NKAIN2: variants seen among roughly 807,000 people sequenced by gnomAD.
The protein encoded by NKAIN2 is sodium/potassium-transporting ATPase subunit beta-1-interacting protein 2.
Under a neutral mutation model 32.6 loss-of-function variants are expected in NKAIN2, and 14 were observed. That is an observed-to-expected ratio of 0.43 (90% confidence interval 0.28 to 0.67). NKAIN2 has a LOEUF of 0.67. NKAIN2 is among the 30% of genes least tolerant of loss of function. NKAIN2 has a pLI of 0.17. For missense variants in NKAIN2, 198 were observed against 258.3 expected (o/e 0.77, Z 1.60); for synonymous variants, 80 against 87.2 (o/e 0.92, Z 0.46).
chr6:123,837,356 C>A (rs993797383), intron 1 of NKAIN2, among the ~76,000 whole-genome samples: 6 of 151,998 alleles, frequency 3.9e-5, no homozygotes, highest in African/African-American at 1.2e-4. Flanking sequence ...CTCTATCATA[C>A]CCCATTTGAG....
At chr6:124,008,679 G>C (rs1780187473) in intron 1 of NKAIN2, among the ~76,000 whole-genome samples, 1 of 152,078 alleles carries the variant, frequency 6.6e-6, no homozygotes, top group Non-Finnish European at 1.5e-5. Context: ...GCTTCTAAAG[G>C]AAATGTTCAA....
At chr6:124,616,613 C>T (rs1425360324) in intron 3 of NKAIN2, among the ~76,000 whole-genome samples, 2 of 150,348 alleles carry the variant, frequency 1.3e-5, no homozygotes, top group South Asian at 2.1e-4. Context: ...TACAGCCGCC[C>T]GCCACCACGC....
At chr6:124,009,068 G>A (rs1341123867) in intron 1 of NKAIN2, among the ~76,000 whole-genome samples, 1 of 152,128 alleles carries the variant, frequency 6.6e-6, no homozygotes, top group African/African-American at 2.4e-5. Context: ...TCTATTTGAT[G>A]TATAAATTAA....
intron 1 of NKAIN2, among the ~76,000 whole-genome samples, chr6:124,247,972 T>C (rs1562449006): frequency 6.6e-6 from 1 of 152,082 alleles, no homozygotes; most frequent in African/African-American, 2.4e-5. Context: ...AATCAATGCA[T>C]AGAACACTTA....
intron 3 of NKAIN2, chr6:124,390,836 G>A (rs185097064): frequency 2.0e-5 from 3 of 152,164 alleles, no homozygotes; most frequent in African/African-American, 7.2e-5. Flanking sequence ...AGTAAGGAAG[G>A]GACAAGGCTG....
intron 4 of NKAIN2, among the ~76,000 whole-genome samples, chr6:124,715,883 G>A (rs1394871279): frequency 6.6e-6 from 1 of 152,174 alleles, no homozygotes; most frequent in Non-Finnish European, 1.5e-5. Flanking sequence ...AAGGAAATGT[G>A]GTTGATAGAG....
intron 2 of NKAIN2, among the ~76,000 whole-genome samples, chr6:124,292,798 T>G (rs1795879433): frequency 6.6e-6 from 1 of 152,200 alleles, no homozygotes; most frequent in Admixed American, 6.6e-5. Flanking sequence ...TGTGTCAGTT[T>G]AATGTTGGCA....
intron 1 of NKAIN2, among the ~76,000 whole-genome samples, chr6:123,816,224 G>A (rs1773688716): frequency 6.6e-6 from 1 of 152,126 alleles, no homozygotes; most frequent in African/African-American, 2.4e-5. Context: ...GGAATGGAAG[G>A]GATAGGAGTC....
At chr6:123,946,914 G>C (rs1777087546) in intron 1 of NKAIN2, among the ~76,000 whole-genome samples, 1 of 152,172 alleles carries the variant, frequency 6.6e-6, no homozygotes, top group Non-Finnish European at 1.5e-5. Flanking sequence ...TTGATTGGCA[G>C]TCCCTCCCTA....
At chr6:124,690,091 A>G (rs1460911713) in intron 4 of NKAIN2, among the ~76,000 whole-genome samples, 1 of 152,142 alleles carries the variant, frequency 6.6e-6, no homozygotes, top group Non-Finnish European at 1.5e-5. Flanking sequence ...TGAACATGGC[A>G]TATTTCTCCA....
chr6:124,209,329 T>A (rs1250060343), intron 1 of NKAIN2, among the ~76,000 whole-genome samples: 1 of 151,810 alleles, frequency 6.6e-6, no homozygotes, highest in African/African-American at 2.4e-5. Flanking sequence ...GAATAATATT[T>A]CATTGTATAT....
intron 3 of NKAIN2, among the ~76,000 whole-genome samples, chr6:124,553,432 C>T (rs1383373370): frequency 7.2e-5 from 11 of 152,098 alleles, no homozygotes; most frequent in Admixed American, 2.6e-4. Context: ...CTCAGCCTCC[C>T]GAGTAGCTGG....
At chr6:124,576,348 T>TC (rs982260223) in intron 3 of NKAIN2, among the ~76,000 whole-genome samples, 250 of 152,150 alleles carry the variant, frequency 1.6e-3, no homozygotes, top group Admixed American at 3.3e-3. Context: ...TTGGCAGATT[T>TC]TTTTGTGAAA....
At chr6:124,066,759 AT>A (rs1354056902) in intron 1 of NKAIN2, among the ~76,000 whole-genome samples, 1 of 152,252 alleles carries the variant, frequency 6.6e-6, no homozygotes. Context: ...AACCACTCTA[AT>A]AAACAGGAAT....
chr6:124,286,391 A>G (rs1018073103), intron 2 of NKAIN2, among the ~76,000 whole-genome samples: 2 of 152,060 alleles, frequency 1.3e-5, no homozygotes, highest in African/African-American at 4.8e-5. Flanking sequence ...AAATAATATG[A>G]ACAATTTTAA....
intron 2 of NKAIN2, among the ~76,000 whole-genome samples, chr6:124,287,144 A>G (rs187102018): frequency 6.6e-6 from 1 of 152,288 alleles, no homozygotes; most frequent in African/African-American, 2.4e-5. Flanking sequence ...ACTCTCTTTC[A>G]ACTTGTGATA....
intron 4 of NKAIN2, among the ~76,000 whole-genome samples, chr6:124,751,003 A>T (rs1337763229): frequency 6.6e-6 from 1 of 152,086 alleles, no homozygotes. Flanking sequence ...AAATGATCAC[A>T]CAGGAAAGTT....
chr6:123,897,802 C>T (rs1053478597), intron 1 of NKAIN2, among the ~76,000 whole-genome samples: 1 of 151,986 alleles, frequency 6.6e-6, no homozygotes, highest in Admixed American at 6.6e-5. Context: ...TTCAACTTAC[C>T]CTCTTCCCTT....
At chr6:124,105,680 A>G (rs1785084230) in intron 1 of NKAIN2, among the ~76,000 whole-genome samples, 1 of 152,212 alleles carries the variant, frequency 6.6e-6, no homozygotes, top group Admixed American at 6.5e-5. Context: ...GCAACCAAAT[A>G]TTTAGTAGAA....
Sources: allele counts gnomAD v4.1 joint callset (sites outside exome capture counted in the v4.1 genomes callset), GRCh38; gene constraint gnomAD v4.1.1; transcripts MANE v1.5; gene names NCBI Gene and HGNC (gene_info 2026-07-23, HGNC 2026-07-21).